Variants in ZMAT4 observed in about 807,000 individuals in gnomAD.
ZMAT4 encodes zinc finger matrin-type protein 4.
ZMAT4 carries 17 observed loss-of-function variants against 28.7 expected under a neutral mutation model. That is an observed-to-expected ratio of 0.59 (90% confidence interval 0.41 to 0.89). ZMAT4 has a LOEUF of 0.89. Ranked by LOEUF, ZMAT4 falls within the 40% of genes least tolerant of loss-of-function variation. The pLI, the probability that ZMAT4 is intolerant of heterozygous loss-of-function variation, is 0.00. For synonymous variants in ZMAT4, 117 were observed against 109.2 expected (o/e 1.07, Z -0.44); for missense variants, 240 against 283.8 (o/e 0.85, Z 1.11).
intron 2 of ZMAT4, among the ~76,000 whole-genome samples, chr8:40,818,328 A>C (rs1438660712): frequency 6.6e-6 from 1 of 152,272 alleles, no homozygotes; most frequent in Admixed American, 6.5e-5. Context: ...AAAATGGACA[A>C]GGAAACAGAA....
intron 6 of ZMAT4, among the ~76,000 whole-genome samples, chr8:40,559,545 A>C (rs1440726278): frequency 6.6e-6 from 1 of 152,050 alleles, no homozygotes; most frequent in Non-Finnish European, 1.5e-5. Context: ...CCTCCTGTGA[A>C]CTGCCTGCTT....
At chr8:40,847,596 G>T (rs1475484761) in intron 1 of ZMAT4, among the ~76,000 whole-genome samples, 1 of 152,240 alleles carries the variant, frequency 6.6e-6, no homozygotes, top group East Asian at 1.9e-4. Flanking sequence ...AGCATGTCAG[G>T]TATGCTCTGA....
intron 2 of ZMAT4, among the ~76,000 whole-genome samples, chr8:40,780,985 C>A (rs1478201906): frequency 6.6e-6 from 1 of 152,150 alleles, no homozygotes; most frequent in African/African-American, 2.4e-5. Flanking sequence ...CAAGAACATC[C>A]CCTTTTGCCA....
At chr8:40,827,222 T>G (rs1002102203) in intron 1 of ZMAT4, among the ~76,000 whole-genome samples, 1 of 152,136 alleles carries the variant, frequency 6.6e-6, no homozygotes, top group East Asian at 1.9e-4. Flanking sequence ...TTCCCCCATA[T>G]AAAAATTGAG....
intron 1 of ZMAT4, among the ~76,000 whole-genome samples, chr8:40,845,781 A>T (rs1260122607): frequency 3.7e-4 from 4 of 10,692 alleles, no homozygotes; most frequent in Non-Finnish European, 3.1e-3. Context: ...GTAGTTAAAA[A>T]AAAAAAAAAA....
At chr8:40,542,007 G>A (rs1803049484) in intron 6 of ZMAT4, among the ~76,000 whole-genome samples, 1 of 152,228 alleles carries the variant, frequency 6.6e-6, no homozygotes, top group African/African-American at 2.4e-5. Context: ...CTGAAGGATG[G>A]AGAGGCAGAG....
At chr8:40,562,027 G>C (rs1410078600) in intron 6 of ZMAT4, among the ~76,000 whole-genome samples, 1 of 152,114 alleles carries the variant, frequency 6.6e-6, no homozygotes, top group African/African-American at 2.4e-5. Context: ...GCAATGCCTA[G>C]GGCACGGTTC....
intron 1 of ZMAT4, among the ~76,000 whole-genome samples, chr8:40,885,355 G>T (rs1383893557): frequency 6.6e-6 from 1 of 151,796 alleles, no homozygotes; most frequent in South Asian, 2.1e-4. Context: ...GTACATCCAG[G>T]ATCTGCCCTC....
intron 3 of ZMAT4, among the ~76,000 whole-genome samples, chr8:40,706,369 A>G (rs549122964): frequency 6.6e-6 from 1 of 152,230 alleles, no homozygotes; most frequent in Non-Finnish European, 1.5e-5. Context: ...TAATTATTAA[A>G]TATCAGTTGA....
intron 3 of ZMAT4, among the ~76,000 whole-genome samples, chr8:40,703,819 T>C (rs1012806815): frequency 2.2e-4 from 34 of 152,200 alleles, no homozygotes; most frequent in Admixed American, 1.9e-3. Flanking sequence ...CCCAAAGATA[T>C]GTTGAAATTT....
rs114799991 is a variant in ZMAT4 at position 40,546,258 on chromosome 8, T to C, written c.675-14020A>G. 2.6e-3 allele frequency among the ~76,000 whole-genome samples: 386 copies of C among 148,690 alleles called. 2 individuals carry two copies. Among genetic ancestry groups the C allele is most frequent in the African/African-American group, 8.9e-3 (359 of 40,168 alleles). ...TCCTGTGTAAATTAATTTACAGCAC[T>C]AGCTGACCTATTTAAAGAAACCACA... On this transcript the variant is annotated intron_variant, in intron 6 of 6. Transcript: ENST00000297737.
At chr8:40,568,237 G>T (rs1188503681) in intron 6 of ZMAT4, among the ~76,000 whole-genome samples, 1 of 152,134 alleles carries the variant, frequency 6.6e-6, no homozygotes, top group Non-Finnish European at 1.5e-5. Flanking sequence ...GTCTGAGTGA[G>T]AAATTAGGGT....
chr8:40,772,348 C>A (rs1813419904), intron 2 of ZMAT4, among the ~76,000 whole-genome samples: 1 of 152,180 alleles, frequency 6.6e-6, no homozygotes, highest in African/African-American at 2.4e-5. Flanking sequence ...CCAGCCTTCT[C>A]TTTGGGGGAA....
intron 4 of ZMAT4, among the ~76,000 whole-genome samples, chr8:40,688,025 A>G (rs913781546): frequency 3.3e-5 from 5 of 152,186 alleles, no homozygotes; most frequent in African/African-American, 9.7e-5. Flanking sequence ...TGAGGATTGC[A>G]CTCAGAATGC....
At chr8:40,701,502 CA>C (rs1223837398) in intron 3 of ZMAT4, among the ~76,000 whole-genome samples, 8 of 140,806 alleles carry the variant, frequency 5.7e-5, no homozygotes, top group Non-Finnish European at 1.2e-4. Context: ...CACAACTATG[CA>C]GAATTTTTTT....
chr8:40,611,744 G>A (rs1401868715), intron 5 of ZMAT4, among the ~76,000 whole-genome samples: 2 of 152,176 alleles, frequency 1.3e-5, no homozygotes, highest in Admixed American at 1.3e-4. Flanking sequence ...TGGAGAAAAT[G>A]TTTGTCTCAT....
At chr8:40,719,816 C>G (rs1286433616) in intron 3 of ZMAT4, among the ~76,000 whole-genome samples, 2 of 152,070 alleles carry the variant, frequency 1.3e-5, no homozygotes, top group South Asian at 2.1e-4. Context: ...GGTGATCTGC[C>G]CCCCCTCAGC....
At chr8:40,585,441 C>T (rs1804636927) in intron 5 of ZMAT4, among the ~76,000 whole-genome samples, 2 of 152,132 alleles carry the variant, frequency 1.3e-5, no homozygotes, top group South Asian at 4.1e-4. Flanking sequence ...ATACTCTAAG[C>T]TTTGGTTTGG....
chr8:40,590,123 A>G (rs1445421010), intron 5 of ZMAT4, among the ~76,000 whole-genome samples: 4 of 151,364 alleles, frequency 2.6e-5, no homozygotes, highest in African/African-American at 7.3e-5. Flanking sequence ...GGGCTCAAGC[A>G]TGACTCCTCC....
Sources: gnomAD v4.1 joint callset for allele counts (sites outside exome capture counted in the v4.1 genomes callset) on GRCh38, gnomAD v4.1.1 for gene constraint, MANE v1.5 for transcripts, NCBI Gene and HGNC (gene_info 2026-07-23, HGNC 2026-07-21) for gene names.